The following ROBO2 variants were observed in gnomAD, a reference collection of about 807,000 sequenced individuals.
The protein encoded by ROBO2 is roundabout homolog 2.
ROBO2 carries 53 observed loss-of-function variants against 160.8 expected under a neutral mutation model. That is an observed-to-expected ratio of 0.33 (90% confidence interval 0.26 to 0.41). ROBO2 has a LOEUF of 0.41. ROBO2 is among the 10% of genes least tolerant of loss of function. The pLI is 1.00. For synonymous variants in ROBO2, 664 were observed against 611.7 expected (o/e 1.09, Z -1.26); for missense variants, 1,577 against 1,722.4 (o/e 0.92, Z 1.49).
intron 2 of ROBO2, among the ~76,000 whole-genome samples, chr3:76,887,265 T>C (rs2073977694): frequency 7.3e-6 from 1 of 136,466 alleles, no homozygotes; most frequent in African/African-American, 2.8e-5. Context: ...TAGACTCTAG[T>C]CCAAAAATTA....
intron 5 of ROBO2, among the ~76,000 whole-genome samples, chr3:77,501,541 A>G (rs1478112779): frequency 6.6e-6 from 1 of 152,220 alleles, no homozygotes; most frequent in African/African-American, 2.4e-5. Context: ...ATAATTCATC[A>G]TGTTATTTTA....
At chr3:77,587,479 C>A (rs569828496) in intron 16 of ROBO2, among the ~76,000 whole-genome samples, 1 of 152,136 alleles carries the variant, frequency 6.6e-6, no homozygotes, top group East Asian at 1.9e-4. Context: ...GACTGAGAAG[C>A]CCTTAAAGCA....
chr3:76,452,641 G>A (rs1436358468), intron 2 of ROBO2, among the ~76,000 whole-genome samples: 2 of 152,142 alleles, frequency 1.3e-5, no homozygotes, highest in Non-Finnish European at 2.9e-5. Flanking sequence ...ACATACGTGT[G>A]CCTGTGTCTT....
chr3:77,135,969 TGTTTCTATAATTAAAA>T lies in ROBO2; in HGVS notation c.388+37630_388+37645del, dbSNP rs1368342093. Among the ~76,000 whole-genome samples, 22 of 152,346 alleles carry T rather than the reference TGTTTCTATAATTAAAA, an allele frequency of 1.4e-4. No individual in the cohort carries two copies. In the East Asian group the frequency reaches 4.2e-3, roughly 29 times the overall value. ...CTTTCCATGTAGCATGTTGAATGTT[TGTTTCTATAATTAAAA>T]ATACCTAAGATTATTGACTGGGTAT... is the stretch of plus-strand genomic sequence containing the variant. On this transcript the variant is annotated intron_variant, in intron 2 of 25. Coordinates refer to ENST00000461745, the Ensembl canonical transcript of ROBO2.
chr3:76,492,246 C>G (rs1029129601), intron 2 of ROBO2, among the ~76,000 whole-genome samples: 1 of 152,000 alleles, frequency 6.6e-6, no homozygotes, highest in African/African-American at 2.4e-5. Context: ...TTAAAATTAC[C>G]TGTTTAATTT....
At chr3:77,178,888 T>C (rs1441584077) in intron 2 of ROBO2, among the ~76,000 whole-genome samples, 4 of 152,028 alleles carry the variant, frequency 2.6e-5, no homozygotes, top group African/African-American at 4.8e-5. Context: ...TTCTCTCTAG[T>C]CTTAGTGTGG....
chr3:76,758,941 AAT>A (rs1262592951), intron 2 of ROBO2, among the ~76,000 whole-genome samples: 1 of 151,840 alleles, frequency 6.6e-6, no homozygotes, highest in African/African-American at 2.4e-5. Context: ...TTTTGTCCTA[AAT>A]TTTGCTATGC....
chr3:76,240,115 T>C (rs1442418359), intron 2 of ROBO2, among the ~76,000 whole-genome samples: 2 of 152,108 alleles, frequency 1.3e-5, no homozygotes, highest in Non-Finnish European at 2.9e-5. Context: ...CAAGGCTTGA[T>C]TGTTAATCTA....
chr3:76,268,481 C>A (rs1422524225), intron 2 of ROBO2, among the ~76,000 whole-genome samples: 1 of 151,992 alleles, frequency 6.6e-6, no homozygotes, highest in Non-Finnish European at 1.5e-5. Flanking sequence ...TGTGAGGCCT[C>A]TCCTTCTCAC....
At chr3:77,628,101 T>A (rs1559759945) in intron 23 of ROBO2, among the ~76,000 whole-genome samples, 1 of 152,198 alleles carries the variant, frequency 6.6e-6, no homozygotes, top group African/African-American at 2.4e-5. Flanking sequence ...ATTTGAGATT[T>A]TTTTTTGCCT....
chr3:77,011,258 T>C (rs1209026473), intron 2 of ROBO2, among the ~76,000 whole-genome samples: 1 of 152,086 alleles, frequency 6.6e-6, no homozygotes, highest in African/African-American at 2.4e-5. Context: ...GTGTGTTTTG[T>C]TTGCTATCGT....
chr3:75,938,652 A>G (rs528751872), intron 2 of ROBO2, among the ~76,000 whole-genome samples: 1 of 152,280 alleles, frequency 6.6e-6, no homozygotes, highest in East Asian at 1.9e-4. Context: ...AAAGTTTAAC[A>G]CTTTTTAAAA....
intron 2 of ROBO2, among the ~76,000 whole-genome samples, chr3:76,984,999 A>T (rs1430848748): frequency 1.3e-5 from 2 of 152,136 alleles, no homozygotes; most frequent in African/African-American, 4.8e-5. Context: ...GTCAAAATAG[A>T]ATTGATATGA....
chr3:77,201,607 T>C (rs1257449151), intron 2 of ROBO2, among the ~76,000 whole-genome samples: 2 of 152,228 alleles, frequency 1.3e-5, no homozygotes, highest in African/African-American at 4.8e-5. Context: ...ATTTAAGTTT[T>C]ACATAAAAGT....
intron 2 of ROBO2, among the ~76,000 whole-genome samples, chr3:76,779,483 AC>A (rs2062491636): frequency 6.6e-6 from 1 of 150,796 alleles, no homozygotes; most frequent in Admixed American, 6.6e-5. Flanking sequence ...GAAACTTTGC[AC>A]CCCTTAAACA....
intron 4 of ROBO2, among the ~76,000 whole-genome samples, chr3:77,484,484 A>G (rs1471100693): frequency 6.7e-6 from 1 of 149,062 alleles, no homozygotes; most frequent in Non-Finnish European, 1.5e-5. Context: ...AGAATGAAAT[A>G]CAGGAATCTC....
rs574472560 is a variant in ROBO2, at chr3:76,209,927, A to C, written c.109+272325A>C. Among the ~76,000 whole-genome samples the C allele has an allele frequency of 3.9e-4, 59 of 152,258 alleles. No individual in the cohort carries two copies. In the South Asian group the frequency reaches 0.012, roughly 31 times the overall value. The stretch of plus-strand genomic sequence containing the variant: ...CATGATCAAATTTGACTTTTTATGA[A>C]TCAAGCAAAGGATGGATTAAATGAT... On this transcript the variant is annotated intron_variant, in intron 2 of 26. Coordinates refer to the ROBO2 transcript ENST00000487694.
At chr3:77,636,616 G>A (rs1454792206) in intron 24 of ROBO2, among the ~76,000 whole-genome samples, 1 of 151,872 alleles carries the variant, frequency 6.6e-6, no homozygotes, top group Non-Finnish European at 1.5e-5. Flanking sequence ...AAGGAAGAAG[G>A]AAAATAAAAG....
At chr3:76,387,444 T>C (rs1018240200) in intron 2 of ROBO2, among the ~76,000 whole-genome samples, 3 of 151,426 alleles carry the variant, frequency 2.0e-5, no homozygotes, top group Admixed American at 1.3e-4. Context: ...TATTTATTTT[T>C]TATTTGTTAG....
Sources: gnomAD v4.1 joint callset for allele counts (sites outside exome capture counted in the v4.1 genomes callset) on GRCh38, gnomAD v4.1.1 for gene constraint, MANE v1.5 for transcripts, NCBI Gene and HGNC (gene_info 2026-07-23, HGNC 2026-07-21) for gene names.